ARHGAP10: variants seen among roughly 807,000 people sequenced by gnomAD.
ARHGAP10 encodes the protein Rho GTPase activating protein 10.
ARHGAP10 carries 87 observed loss-of-function variants against 108.6 expected under a neutral mutation model. The ratio of observed to expected loss-of-function variants is 0.80; its 90% CI spans 0.67 to 0.96. The LOEUF is 0.96. Among genes scored for constraint, ARHGAP10 ranks in the 40% least tolerant of loss-of-function variants. The probability of loss-of-function intolerance (pLI) is 0.00; values close to 1 mark genes in which losing one functional copy is unlikely to be tolerated. For synonymous variants in ARHGAP10, 347 were observed against 341.1 expected (o/e 1.02, Z -0.19); for missense variants, 939 against 954.5 (o/e 0.98, Z 0.21).
intron 18 of ARHGAP10, among the ~76,000 whole-genome samples, chr4:148,016,035 G>T (rs1741332069): frequency 6.6e-6 from 1 of 152,214 alleles, no homozygotes; most frequent in African/African-American, 2.4e-5. Flanking sequence ...ATGTACAGTG[G>T]AGTGAGGGAA....
At chr4:147,875,943 A>C (rs1333307264) in intron 8 of ARHGAP10, among the ~76,000 whole-genome samples, 1 of 152,192 alleles carries the variant, frequency 6.6e-6, no homozygotes, top group African/African-American at 2.4e-5. Flanking sequence ...GAGAATGTGA[A>C]ATGGGTCTCT....
intron 3 of ARHGAP10, among the ~76,000 whole-genome samples, chr4:147,845,306 T>A (rs931347126): frequency 6.6e-6 from 1 of 152,258 alleles, no homozygotes; most frequent in Admixed American, 6.5e-5. Context: ...TGTGCGCTTA[T>A]ATATCTCCTT....
At chr4:147,930,935 C>G (rs1046806513) in intron 13 of ARHGAP10, among the ~76,000 whole-genome samples, 6 of 152,276 alleles carry the variant, frequency 3.9e-5, no homozygotes, top group African/African-American at 1.4e-4. Context: ...TTCTCCAGCC[C>G]ACCTACAGGG....
At chr4:147,975,739 A>G (rs1739567765) in intron 18 of ARHGAP10, among the ~76,000 whole-genome samples, 1 of 152,246 alleles carries the variant, frequency 6.6e-6, no homozygotes, top group Non-Finnish European at 1.5e-5. Flanking sequence ...TAAAGCTCAC[A>G]TCTCTCAACA....
intron 13 of ARHGAP10, among the ~76,000 whole-genome samples, chr4:147,922,700 A>AAAG (rs1277230381): frequency 6.6e-6 from 1 of 151,984 alleles, no homozygotes; most frequent in East Asian, 1.9e-4. Context: ...AAAAAAAAAA[A>AAAG]AAAAAAAATT....
intron 18 of ARHGAP10, among the ~76,000 whole-genome samples, chr4:147,994,381 C>A (rs190373859): frequency 3.3e-5 from 5 of 151,936 alleles, no homozygotes; most frequent in African/African-American, 1.2e-4. Context: ...TCTTGTTAAT[C>A]CTTGCACAGC....
At chr4:147,766,627 T>TACATACAC in intron 1 of ARHGAP10, among the ~76,000 whole-genome samples, 4 of 138,922 alleles carry the variant, frequency 2.9e-5, no homozygotes, top group Non-Finnish European at 4.7e-5. Flanking sequence ...TATACACATA[T>TACATACAC]ATATACGTAT....
chr4:147,989,274 C>T (rs148503416), intron 18 of ARHGAP10, among the ~76,000 whole-genome samples: 3,200 of 152,196 alleles, frequency 0.021, 110 homozygotes, highest in African/African-American at 0.073. Context: ...GGAGGCAGGG[C>T]GAGATCACAG....
chr4:147,734,242 A>G (rs1447205776), intron 1 of ARHGAP10, among the ~76,000 whole-genome samples: 3 of 151,990 alleles, frequency 2.0e-5, no homozygotes, highest in South Asian at 2.1e-4. Flanking sequence ...GTAGAAAGCT[A>G]TTTCTGTGAC....
chr4:147,776,723 G>A (rs184550853), intron 1 of ARHGAP10, among the ~76,000 whole-genome samples: 106 of 152,306 alleles, frequency 7.0e-4, no homozygotes, highest in Non-Finnish European at 1.2e-3. Flanking sequence ...CTTCTGTTGG[G>A]TGAAGGTTTG....
At chr4:147,820,265 A>G (rs993194868) in intron 1 of ARHGAP10, among the ~76,000 whole-genome samples, 1 of 152,168 alleles carries the variant, frequency 6.6e-6, no homozygotes, top group African/African-American at 2.4e-5. Flanking sequence ...CCTGGTTTAC[A>G]TTAGGAACTA....
Position 147,906,174 on chromosome 4 carries a change from C to A in ARHGAP10, c.1035-464C>A, listed in dbSNP as rs575924691. 1.9e-3 allele frequency among the ~76,000 whole-genome samples: 285 copies of A among 152,218 alleles called. 4 individuals carry two copies. The highest frequency in any genetic ancestry group is 6.2e-4 in the Non-Finnish European group (42 of 68,018). The stretch of plus-strand genomic sequence containing the variant: ...TATATTCCATATGAACCATTAATTC[C>A]ATTTCTTGATATATACCTGAAAGAA... On this transcript the variant is annotated intron_variant, in intron 10 of 22. Coordinates refer to ENST00000336498, the MANE Select transcript of ARHGAP10 (RefSeq NM_024605.4).
At chr4:147,897,106 G>A (rs745470924) in intron 10 of ARHGAP10, among the ~76,000 whole-genome samples, 5 of 151,568 alleles carry the variant, frequency 3.3e-5, no homozygotes, top group Non-Finnish European at 5.9e-5. Context: ...TATACTGTTC[G>A]TACAGCATGT....
At chr4:147,913,014 AG>A in intron 12 of ARHGAP10, 59 bp from the exon 13 acceptor site, 1 of 1,469,230 alleles carries the variant, frequency 6.8e-7, no homozygotes, top group Non-Finnish European at 9.4e-7. Flanking sequence ...TATTTTTAAA[AG>A]GAAGAGAAAT....
At chr4:147,739,173 C>T (rs1268313537) in intron 1 of ARHGAP10, among the ~76,000 whole-genome samples, 4 of 133,726 alleles carry the variant, frequency 3.0e-5, no homozygotes, top group Middle Eastern at 4.5e-3. Context: ...GGCAACAGAG[C>T]GAGACTCTGT....
intron 18 of ARHGAP10, among the ~76,000 whole-genome samples, chr4:148,005,562 T>C (rs1359082665): frequency 6.6e-6 from 1 of 152,238 alleles, no homozygotes; most frequent in Non-Finnish European, 1.5e-5. Context: ...AAAATGTATA[T>C]TAAAAAACAA....
At chr4:147,765,412 G>A (rs905070349) in intron 1 of ARHGAP10, among the ~76,000 whole-genome samples, 1 of 151,316 alleles carries the variant, frequency 6.6e-6, no homozygotes, top group African/African-American at 2.4e-5. Context: ...CAAAGTAATG[G>A]GTGTGTCTAT....
At chr4:147,755,058 G>C (rs533289524) in intron 1 of ARHGAP10, among the ~76,000 whole-genome samples, 4 of 151,174 alleles carry the variant, frequency 2.6e-5, no homozygotes, top group Non-Finnish European at 5.9e-5. Context: ...CTACAGTCTG[G>C]GCGACAAGAG....
At chr4:147,937,444 C>T (rs1002039253) in intron 13 of ARHGAP10, among the ~76,000 whole-genome samples, 28 of 151,928 alleles carry the variant, frequency 1.8e-4, no homozygotes, top group African/African-American at 6.3e-4. Flanking sequence ...AGGATTAGGA[C>T]GTCAACAGAT....
Sources: allele counts gnomAD v4.1 joint callset (sites outside exome capture counted in the v4.1 genomes callset), GRCh38; gene constraint gnomAD v4.1.1; transcripts MANE v1.5; gene names NCBI Gene and HGNC (gene_info 2026-07-23, HGNC 2026-07-21).